Variants in ATIC observed in about 807,000 individuals in gnomAD.
ATIC encodes the protein bifunctional purine biosynthesis protein ATIC.
Under a neutral mutation model 72.5 loss-of-function variants are expected in ATIC, and 64 were observed. The observed-to-expected ratio is 0.88, with a 90% CI of 0.72 to 1.09. ATIC has a LOEUF of 1.09. ATIC is among the 50% of genes least tolerant of loss of function. The pLI is 0.00. For synonymous variants in ATIC, 281 were observed against 267.1 expected (o/e 1.05, Z -0.51); for missense variants, 787 against 732.4 (o/e 1.07, Z -0.86).
rs535039357 is a variant in ATIC, at chr2:215,319,741, T to G, written c.290+10T>G. 4 of 1,597,636 alleles carry G rather than the reference T, an allele frequency of 2.5e-6. No homozygotes were observed. In the African/African-American group the frequency reaches 4.0e-5, roughly 16 times the overall value. On this transcript the variant is annotated intron_variant, in intron 4 of 15. Transcript: ENST00000236959. ...ATTTCAATCTTATAAGGTAAAAACC[T>G]GAAATTAAACTTTTAACACATTACG...
rs766223109 is a variant in ATIC at position 215,326,938 on chromosome 2, T to A, written c.648T>A (p.Pro216=). 1 of 1,614,194 alleles carries A rather than the reference T, an allele frequency of 6.2e-7. No individual in the cohort carries two copies. Among genetic ancestry groups the A allele is most frequent in the Non-Finnish European group, 8.5e-7 (1 of 1,180,036 alleles). Residue 216 remains proline, a synonymous_variant, in exon 7 of 16, where the codon CCT becomes CCA. Coordinates refer to ENST00000236959, the MANE Select transcript of ATIC (RefSeq NM_004044.7). ...LRYGMNPHQT[P]AQLYTLQPKL... The stretch of plus-strand genomic sequence containing the variant: ...ATGGAATGAACCCACATCAGACCCC[T>A]GCCCAGCTGTACACACTGCAGCCCA...
chr2:215,351,101 T>C (rs897504319), downstream of ATIC, among the ~76,000 whole-genome samples: 6 of 152,168 alleles, frequency 3.9e-5, no homozygotes, highest in Non-Finnish European at 7.3e-5. Flanking sequence ...TTTCTTGGAT[T>C]ACTTCCTCTG....
At chr2:215,344,356 A>G (rs2053050220) in intron 12 of ATIC, among the ~76,000 whole-genome samples, 1 of 152,174 alleles carries the variant, frequency 6.6e-6, no homozygotes, top group Non-Finnish European at 1.5e-5. Context: ...TGAGTGGTAT[A>G]ACTATGTTGT....
At chr2:215,355,687 T>C in the ATIC span, among the ~76,000 whole-genome samples, 1 of 152,372 alleles carries the variant, frequency 6.6e-6, no homozygotes, top group East Asian at 1.9e-4. Flanking sequence ...AGTAGGCATA[T>C]AGAAAAGTGC....
chr2:215,360,526 A>G, the ATIC span: 1 of 152,244 alleles, frequency 6.6e-6, no homozygotes, highest in Non-Finnish European at 1.5e-5. Context: ...AATGAAGGAA[A>G]GGTGGAGGGA....
chr2:215,339,753 G>A (rs1197497601), intron 12 of ATIC, among the ~76,000 whole-genome samples: 1 of 147,736 alleles, frequency 6.8e-6, no homozygotes, highest in East Asian at 2.1e-4. Flanking sequence ...TCCTGCTTCA[G>A]CCTCCCAAGT....
chr2:215,336,309 C>T (rs2052954220), intron 11 of ATIC, among the ~76,000 whole-genome samples, 185 bp downstream of exon 11: 1 of 152,124 alleles, frequency 6.6e-6, no homozygotes. Flanking sequence ...AGCTTTCTTA[C>T]CCTCAATTTT....
At chr2:215,348,957 A>T in intron 14 of ATIC, 137 bp from the exon 15 acceptor site, 1 of 595,526 alleles carries the variant, frequency 1.7e-6, no homozygotes. Context: ...ACTCCGTCTA[A>T]AAAAAAAAAA....
chr2:215,353,615 G>C (rs1322195599), downstream of ATIC, among the ~76,000 whole-genome samples: 1 of 152,090 alleles, frequency 6.6e-6, no homozygotes, highest in Non-Finnish European at 1.5e-5. Context: ...AGGCTGGAGT[G>C]CAATGGCATG....
the ATIC span, chr2:215,363,427 T>C: frequency 2.0e-5 from 3 of 151,946 alleles, no homozygotes; most frequent in Non-Finnish European, 4.4e-5. Flanking sequence ...CAATCTAAAT[T>C]CCAATCTCCA....
At chr2:215,334,146 A>G (rs1016389101) in intron 9 of ATIC, among the ~76,000 whole-genome samples, 2 of 144,338 alleles carry the variant, frequency 1.4e-5, no homozygotes, top group Non-Finnish European at 3.0e-5. Context: ...TGCATTTGTT[A>G]TTGTTTAATA....
the ATIC span, among the ~76,000 whole-genome samples, chr2:215,355,744 G>A: frequency 6.7e-6 from 1 of 149,264 alleles, no homozygotes; most frequent in Non-Finnish European, 1.5e-5. Flanking sequence ...AAACACCTGT[G>A]TCACCACCAA....
At chr2:215,355,689 G>C in the ATIC span, among the ~76,000 whole-genome samples, 1 of 152,198 alleles carries the variant, frequency 6.6e-6, no homozygotes, top group Non-Finnish European at 1.5e-5. Flanking sequence ...TAGGCATATA[G>C]AAAAGTGCAT....
At chr2:215,325,495 TA>T (rs1292364590) in intron 5 of ATIC, among the ~76,000 whole-genome samples, 166 bp downstream of exon 5, 1 of 152,092 alleles carries the variant, frequency 6.6e-6, no homozygotes, top group Non-Finnish European at 1.5e-5. Context: ...TTTTCATTTA[TA>T]TTTTCTAAGC....
chr2:215,334,915 A>T lies in ATIC; in HGVS notation c.923-4A>T. On this transcript the variant is annotated splice_polypyrimidine_tract_variant and splice_region_variant and intron_variant, in intron 9 of 15. Transcript: ENST00000236959. ...TAAATACCTCATTTTAATTTTATTT[A>T]CAGGGGCTGATAGGATGTCTTCATT... 1 of 1,612,086 alleles carries T rather than the reference A, an allele frequency of 6.2e-7. No homozygotes were observed. Among genetic ancestry groups the T allele is most frequent in the African/African-American group, 1.3e-5 (1 of 75,016 alleles).
At chr2:215,314,320 T>G (rs1343630923) in intron 2 of ATIC, among the ~76,000 whole-genome samples, 1 of 152,214 alleles carries the variant, frequency 6.6e-6, no homozygotes, top group African/African-American at 2.4e-5. Flanking sequence ...AAAGGCCACA[T>G]TCAGTTGCAG....
chr2:215,312,758 A>G (rs2052668042), intron 2 of ATIC, 134 bp downstream of exon 2: 8 of 1,380,958 alleles, frequency 5.8e-6, no homozygotes, highest in Non-Finnish European at 8.0e-6. Flanking sequence ...ATACTTCCCC[A>G]CTTTATGGGG....
chr2:215,342,896 T>C lies in ATIC; in HGVS notation c.1228-1883T>C, dbSNP rs2053034903. On this transcript the variant is annotated intron_variant, in intron 12 of 15. Coordinates refer to ENST00000236959, the MANE Select transcript of ATIC (RefSeq NM_004044.7). ...GGTTTCACCATGTTGGTCAGGCTGGTCTTGAACTCCTGACTCAGGTGATCT... is the reference window on the plus strand; with the variant it reads ...GGTTTCACCATGTTGGTCAGGCTGGCCTTGAACTCCTGACTCAGGTGATCT... Among the ~76,000 whole-genome samples the C allele has an allele frequency of 2.0e-5, 3 of 152,166 alleles. No individual in the cohort carries two copies. The South Asian group carries it at 6.2e-4, about 32-fold the overall frequency.
chr2:215,339,059 T>C, intron 12 of ATIC, 152 bp downstream of exon 12: 1 of 1,105,644 alleles, frequency 9.0e-7, no homozygotes, highest in South Asian at 1.3e-5. Flanking sequence ...ACATAAGCTT[T>C]GGAGTTTAAG....
Sources: gnomAD v4.1 joint callset for allele counts (sites outside exome capture counted in the v4.1 genomes callset) on GRCh38, gnomAD v4.1.1 for gene constraint, MANE v1.5 for transcripts, NCBI Gene and HGNC (gene_info 2026-07-23, HGNC 2026-07-21) for gene names.